The following RARG variants were observed in gnomAD, a reference collection of about 807,000 sequenced individuals.
RARG encodes RAR-gamma.
A neutral mutation model predicts 43.7 loss-of-function variants in RARG; 17 were observed. The ratio of observed to expected loss-of-function variants is 0.39; its 90% CI spans 0.27 to 0.58. The LOEUF (loss-of-function observed/expected upper bound fraction) is 0.58. Among genes scored for constraint, RARG ranks in the 20% least tolerant of loss-of-function variants. The pLI, the probability that RARG is intolerant of heterozygous loss-of-function variation, is 0.57. For missense variants in RARG, 346 were observed against 598.7 expected, an observed-to-expected ratio of 0.58 and a Z score of 4.40; for synonymous variants, 238 against 236.4, an observed-to-expected ratio of 1.01 and a Z score of -0.06.
rs761126182 is a variant in RARG at position 53,214,605 on chromosome 12, A to G, written c.477T>C (p.Ala159=). 1 of 1,599,050 alleles carries G rather than the reference A, an allele frequency of 6.3e-7. No homozygotes were observed. Among genetic ancestry groups the G allele is most frequent in the Non-Finnish European group, 8.6e-7 (1 of 1,167,594 alleles). ...KCFEVGMSKE[A]VRNDRNKKKK... ...TCTTCTTGTTCCGGTCATTTCGCAC[A>G]GCTTGTGGGTGGAGGCGCAAGGAGA... is the stretch of plus-strand genomic sequence containing the variant. The change falls in exon 6 of 10, where the codon GCT becomes GCC. Residue 159 remains alanine, a splice_region_variant and synonymous_variant. Coordinates refer to ENST00000425354, the MANE Select transcript of RARG (RefSeq NM_000966.6).
intron 3 of RARG, among the ~76,000 whole-genome samples, chr12:53,219,165 C>T (rs531643037): frequency 6.6e-6 from 1 of 152,372 alleles, no homozygotes; most frequent in East Asian, 1.9e-4. Flanking sequence ...CCCCACCACA[C>T]ACACAGACTT....
intron 3 of RARG, among the ~76,000 whole-genome samples, chr12:53,226,741 A>C (rs1943116438): frequency 6.6e-6 from 1 of 151,664 alleles, no homozygotes; most frequent in Non-Finnish European, 1.5e-5. Flanking sequence ...CCTCCCAAGT[A>C]GCTGGGACTA....
rs761374613 is a variant in RARG, at chr12:53,213,715, T to G, written c.814-15A>C. 14 of 1,571,928 alleles carry G rather than the reference T, an allele frequency of 8.9e-6. No homozygotes were observed. The highest frequency in any genetic ancestry group is 5.8e-5 in the African/African-American group (4 of 69,438). ...ATACGCAGCATCTGGAGGTGGGGGG[T>G]GGAGGAGGGTTAGTGCTGTTTCTGG... On this transcript the variant is annotated splice_polypyrimidine_tract_variant and intron_variant, in intron 7 of 9. Transcript: ENST00000425354. The surrounding 1 kb of genome is among the most constrained non-coding windows in gnomAD (Gnocchi z 4.7).
Position 53,214,686 on chromosome 12 carries a change from T to C in RARG, c.476-80A>G, listed in dbSNP as rs953048827. 56 of 1,345,378 alleles carry C rather than the reference T, an allele frequency of 4.2e-5. 1 individual carries two copies. The Admixed American group carries it at 1.3e-3, about 32-fold the overall frequency. 83.3% of individuals were successfully genotyped at this position (1,345,378 alleles called of 1,614,324 possible). On this transcript the variant is annotated intron_variant, in intron 5 of 9. Transcript: ENST00000425354. The stretch of plus-strand genomic sequence containing the variant: ...TGTCCTCTCTCACCCTAATTTAATA[T>C]GCTCAGTCCTTATCATGAATATCTA...
chr12:53,227,423 C>T lies in RARG; in HGVS notation c.123G>A (p.Met41Ile), dbSNP rs1162191476. The T allele has an allele frequency of 1.2e-6, 2 of 1,607,220 alleles. No homozygotes were observed. ...CCAGGCCCCGGAAGCTAGGGCTCAG[C>T]ATCTCGAAAGGCGGAGACCCCCTGA... The part of the protein sequence containing the change: ...GALRGSPPFE[M>I]LSPSFRGLGQ... The change falls in exon 3 of 10, where the codon ATG becomes ATA. Residue 41 changes from methionine to isoleucine, a missense_variant. Met to Ile is a conservative substitution (Grantham distance 10). Around this residue, in one of 8 missense-constraint regions of RARG, gnomAD observed 90 missense variants for 93.2 expected, o/e 0.97. Transcript: ENST00000425354. The surrounding 1 kb of genome is among the most constrained non-coding windows in gnomAD (Gnocchi z 4.3).
intron 5 of RARG, chr12:53,214,819 TC>T: frequency 1.9e-6 from 1 of 520,838 alleles, no homozygotes; most frequent in Non-Finnish European, 3.3e-6. Context: ...CCCTGCTCCT[TC>T]CCCAGGCCAT....
At position 53,218,553 on chromosome 12, in the gene RARG, G is replaced by A. The variant is rs947410862; in HGVS notation, c.185-2759C>T. ...CAAAGCAATAGTTCCATGCTTTCTCGGTTCTTTAAATGACACACTTTTAAA... is the reference window on the plus strand; with the variant it reads ...CAAAGCAATAGTTCCATGCTTTCTCAGTTCTTTAAATGACACACTTTTAAA... On this transcript the variant is annotated intron_variant, in intron 3 of 9. Transcript: ENST00000425354. Among the ~76,000 whole-genome samples, 6 of 152,218 alleles carry A rather than the reference G, an allele frequency of 3.9e-5. No homozygotes were observed. The East Asian group carries it at 9.7e-4, about 25-fold the overall frequency.
At chr12:53,214,944 G>T (rs183238936) in intron 5 of RARG, 340 of 407,496 alleles carry the variant, frequency 8.3e-4, no homozygotes, top group Non-Finnish European at 1.0e-3. Flanking sequence ...GGGCGAGGGG[G>T]GGGTGGAGAG....
chr12:53,221,726 A>ACCGCCCCC (rs1942968500), intron 3 of RARG, among the ~76,000 whole-genome samples: 1 of 149,614 alleles, frequency 6.7e-6, no homozygotes, highest in South Asian at 2.1e-4. Context: ...ACTCCCGGAA[A>ACCGCCCCC]TCCCCCCCTC....
rs868518896 is a variant in RARG, at chr12:53,215,743, G to A, written c.236C>T (p.Ser79Leu). ...SSEEMVPSSP[S>L]PPPPPRVYKP... ...GTAGACCCGAGGAGGCGGAGGGGGCGAGGGCGAGCTGGGCACCATCTCCTC... is the reference window on the plus strand; with the variant it reads ...GTAGACCCGAGGAGGCGGAGGGGGCAAGGGCGAGCTGGGCACCATCTCCTC... The change falls in exon 4 of 10, where the codon TCG becomes TTG. Residue 79 changes from serine to leucine, a missense_variant. Coordinates refer to ENST00000425354, the MANE Select transcript of RARG (RefSeq NM_000966.6). This position sits in a 1 kb window ranked among gnomAD's most constrained non-coding sequence, Gnocchi z 6.4. 4 of 1,613,452 alleles carry A rather than the reference G, an allele frequency of 2.5e-6. No individual in the cohort carries two copies. The highest frequency in any genetic ancestry group is 2.5e-6 in the Non-Finnish European group (3 of 1,179,900).
Position 53,211,745 on chromosome 12 carries a change from G to A in RARG, c.1296C>T (p.His432=), listed in dbSNP as rs1168149207. ...CCTCATCCTCGCTAGAGGCATTGGG[G>A]TGGGGACCAGGCTGCGAGGAGTCAT... ...FEDDSSQPGP[H]PNASSEDEVP... The change falls in exon 10 of 10, where the codon CAC becomes CAT. Residue 432 remains histidine, a synonymous_variant. Coordinates refer to ENST00000425354, the MANE Select transcript of RARG (RefSeq NM_000966.6). This position sits in a 1 kb window ranked among gnomAD's most constrained non-coding sequence, Gnocchi z 4.6. 6.4e-7 allele frequency: 1 copy of A among 1,567,844 alleles called. No individual in the cohort carries two copies. Among genetic ancestry groups the A allele is most frequent in the South Asian group, 1.2e-5 (1 of 85,386 alleles).
Position 53,227,759 on chromosome 12 carries a change from C to A in RARG, c.-142-72G>T, listed in dbSNP as rs1592450051. 9.1e-7 allele frequency: 1 copy of A among 1,093,950 alleles called. No homozygotes were observed. Among genetic ancestry groups the A allele is most frequent in the South Asian group, 3.1e-5 (1 of 32,754 alleles). The allele number at this position is 1,093,950 out of a possible 1,614,324, so 67.8% of individuals were successfully genotyped here. On this transcript the variant is annotated intron_variant, in intron 2 of 9. Coordinates refer to ENST00000425354, the MANE Select transcript of RARG (RefSeq NM_000966.6). The surrounding 1 kb of genome is among the most constrained non-coding windows in gnomAD (Gnocchi z 4.3). ...GAGGTTCCAAGCCCTGTGACCCTCT[C>A]TCAGTTGCAGTCTTCTCCCTCTGTG...
intron 2 of RARG, among the ~76,000 whole-genome samples, chr12:53,228,718 T>C (rs2120736658): frequency 6.6e-6 from 1 of 152,288 alleles, no homozygotes; most frequent in East Asian, 1.9e-4. Context: ...TCTTTTTTTG[T>C]TTTGTTTTGT....
chr12:53,213,481 G>A lies in RARG; in HGVS notation c.1018+15C>T, dbSNP rs961133749. 3 of 1,612,290 alleles carry A rather than the reference G, an allele frequency of 1.9e-6. No homozygotes were observed. The highest frequency in any genetic ancestry group is 2.5e-6 in the Non-Finnish European group (3 of 1,179,768). On this transcript the variant is annotated intron_variant, in intron 8 of 9. Transcript: ENST00000425354. The surrounding 1 kb of genome is among the most constrained non-coding windows in gnomAD (Gnocchi z 4.7). ...AGACTGAGCACTGAGCAGACGCCAG[G>A]GGGCGCCCCCGCACCTCCGCAGATG...
intron 3 of RARG, among the ~76,000 whole-genome samples, chr12:53,221,998 G>C (rs1942979430): frequency 6.6e-6 from 1 of 150,900 alleles, no homozygotes. Context: ...GAGTAGGCGA[G>C]GGATGGCGGG....
In RARG at chr12:53,215,257, G is replaced by A. The variant is rs369289301; in HGVS notation, c.475+36C>T. ...AGGGCCACAGCCATAGGGTAGGACC[G>A]AAGTGCTCCTGCCCAAGCCAAGGAT... is the stretch of plus-strand genomic sequence containing the variant. On this transcript the variant is annotated intron_variant, in intron 5 of 9. Transcript: ENST00000425354. This position sits in a 1 kb window ranked among gnomAD's most constrained non-coding sequence, Gnocchi z 6.4. 133 of 1,608,796 alleles carry A rather than the reference G, an allele frequency of 8.3e-5. No homozygotes were observed. In the African/African-American group the frequency reaches 1.5e-3, roughly 19 times the overall value.
In RARG at chr12:53,214,246, G is replaced by A. The variant is rs764871005; in HGVS notation, c.637-11C>T. On this transcript the variant is annotated splice_polypyrimidine_tract_variant and intron_variant, in intron 6 of 9. Coordinates refer to ENST00000425354, the MANE Select transcript of RARG (RefSeq NM_000966.6). Reference sequence around the variant, plus strand: ...GTCTGCACTGGAGTTCTGCAGAGGGGAGGGGTAGAAGGTTGGAAGGCAAGC... The same window carrying A: ...GTCTGCACTGGAGTTCTGCAGAGGGAAGGGGTAGAAGGTTGGAAGGCAAGC... 34 of 1,610,372 alleles carry A rather than the reference G, an allele frequency of 2.1e-5. No individual in the cohort carries two copies. Among genetic ancestry groups the A allele is most frequent in the Admixed American group, 3.3e-5 (2 of 59,986 alleles).
rs1022184104 is a variant in RARG at position 53,232,085 on chromosome 12, G to C, written c.-321C>G. ...GCTCGCCGTACTGGGGGGCTCCTGG[G>C]GGGGCACGGCTCTAGGCTGGGACTG... On this transcript the variant is annotated 5_prime_UTR_variant, in exon 1 of 10. Coordinates refer to ENST00000425354, the MANE Select transcript of RARG (RefSeq NM_000966.6). 38 of 398,630 alleles carry C rather than the reference G, an allele frequency of 9.5e-5. No individual in the cohort carries two copies. The highest frequency in any genetic ancestry group is 5.7e-4 in the Admixed American group (13 of 22,738). The allele number at this position is 398,630 out of a possible 1,614,324, so 24.7% of individuals were successfully genotyped here. A position where few individuals can be genotyped will look rare whatever the true frequency, so the allele number is the denominator to read the frequency against.
rs369873803 is a variant in RARG, at chr12:53,227,517, G to T, written c.29C>A (p.Ala10Glu). The T allele has an allele frequency of 1.3e-6, 2 of 1,597,450 alleles. No homozygotes were observed. Among genetic ancestry groups the T allele is most frequent in the Admixed American group, 1.7e-5 (1 of 57,242 alleles). Residue 10 changes from alanine to glutamate, a missense_variant, in exon 3 of 10, where the codon GCG becomes GAG. Coordinates refer to ENST00000425354, the MANE Select transcript of RARG (RefSeq NM_000966.6). This position sits in a 1 kb window ranked among gnomAD's most constrained non-coding sequence, Gnocchi z 4.3. Reference sequence around the variant, plus strand: ...AGATCCAGGCCCCAGGGCACCAGCCGCAAAGAGTCGCTCCTTATTGGTGGC... The same window carrying T: ...AGATCCAGGCCCCAGGGCACCAGCCTCAAAGAGTCGCTCCTTATTGGTGGC... Reference protein sequence around the residue: MATNKERLFAAGALGPGSGY... With the variant: MATNKERLFEAGALGPGSGY...
Sources: allele counts gnomAD v4.1 joint callset (sites outside exome capture counted in the v4.1 genomes callset), GRCh38; gene constraint gnomAD v4.1.1; regional missense constraint gnomAD v4.1.1; non-coding constraint Gnocchi (gnomAD v3.1); transcripts MANE v1.5; gene names NCBI Gene and HGNC (gene_info 2026-07-23, HGNC 2026-07-21).